The following SPTB variants were observed in gnomAD, a reference collection of about 807,000 sequenced individuals.
The protein encoded by SPTB is spectrin beta chain, erythrocytic.
Under a neutral mutation model 256.2 loss-of-function variants are expected in SPTB, and 45 were observed. The ratio of observed to expected loss-of-function variants is 0.18; its 90% CI spans 0.14 to 0.23. The LOEUF (loss-of-function observed/expected upper bound fraction) is 0.23. Ranked by LOEUF, SPTB falls within the 10% of genes least tolerant of loss-of-function variation. The pLI is 1.00. For synonymous variants in SPTB, 1,231 were observed against 1,243.1 expected, an observed-to-expected ratio of 0.99 and a Z score of 0.21; for missense variants, 2,715 against 3,040.4, an observed-to-expected ratio of 0.89 and a Z score of 2.52.
chr14:64,797,898 T>TG (rs756051001), intron 9 of SPTB, 52 bp from the exon 10 acceptor site: 2 of 1,419,428 alleles, frequency 1.4e-6, no homozygotes, highest in African/African-American at 2.8e-5. Flanking sequence ...CATGGCCAAA[T>TG]TTTTTTGCTA....
At chr14:64,835,910 T>C (rs1453318595) in intron 1 of SPTB, among the ~76,000 whole-genome samples, 1 of 152,234 alleles carries the variant, frequency 6.6e-6, no homozygotes, top group African/African-American at 2.4e-5. Context: ...TGTTCTTCTA[T>C]AGTTCACTTA....
intron 32 of SPTB, among the ~76,000 whole-genome samples, chr14:64,765,273 C>T (rs942850254): frequency 2.0e-5 from 3 of 152,110 alleles, no homozygotes; most frequent in African/African-American, 7.2e-5. Context: ...CTGTGGCTCC[C>T]TTGGCCCCCA....
chr14:64,870,772 C>T (rs902784171), intron 1 of SPTB, among the ~76,000 whole-genome samples: 2 of 152,216 alleles, frequency 1.3e-5, no homozygotes, highest in East Asian at 3.8e-4. Context: ...CCAGCAATTT[C>T]ACATCTAGGT....
intron 10 of SPTB, 40 bp downstream of exon 10, chr14:64,797,689 T>C (rs1566768871): frequency 1.4e-6 from 2 of 1,447,948 alleles, no homozygotes; most frequent in Middle Eastern, 1.7e-4. Context: ...GGGAATTCAA[T>C]CAATCTACTG....
At chr14:64,780,926 C>G (rs1010633496) in intron 20 of SPTB, among the ~76,000 whole-genome samples, 3 of 152,170 alleles carry the variant, frequency 2.0e-5, no homozygotes, top group Admixed American at 6.5e-5. Flanking sequence ...GGCCACACAC[C>G]TACCACCATC....
chr14:64,829,107 G>A (rs2083413315), intron 1 of SPTB, among the ~76,000 whole-genome samples: 1 of 152,120 alleles, frequency 6.6e-6, no homozygotes, highest in Non-Finnish European at 1.5e-5. Context: ...CTGACATGGT[G>A]CAACATGAAG....
chr14:64,801,036 A>G (rs1566771908), intron 7 of SPTB, among the ~76,000 whole-genome samples, 168 bp from the exon 8 acceptor site: 1 of 152,246 alleles, frequency 6.6e-6, no homozygotes, highest in Non-Finnish European at 1.5e-5. Flanking sequence ...AGAACCACAC[A>G]TTACAAAAGA....
chr14:64,832,818 C>T (rs138657354), intron 1 of SPTB, among the ~76,000 whole-genome samples: 20 of 152,306 alleles, frequency 1.3e-4, no homozygotes, highest in Non-Finnish European at 1.9e-4. Flanking sequence ...TCTCTATCTC[C>T]ACCGCTCCCC....
chr14:64,757,317 T>C (rs2082028535), intron 32 of SPTB: 1 of 152,228 alleles, frequency 6.6e-6, no homozygotes, highest in South Asian at 2.1e-4. Context: ...AACTGTCCTC[T>C]GAAAATAGAG....
In SPTB at chr14:64,758,329, G is replaced by C. The variant is rs1163183005; in HGVS notation, c.6346-4536C>G. On this transcript the variant is annotated intron_variant, in intron 32 of 35. Transcript: ENST00000644917. The surrounding 1 kb of genome is among the most constrained non-coding windows in gnomAD (Gnocchi z 4.6). ...GCCTCAGCCCCTCCTTTCTCGGCCA[G>C]TTTCAGTTGGAACATTCTGAGGCTT... is the stretch of plus-strand genomic sequence containing the variant. Among the ~76,000 whole-genome samples the C allele has an allele frequency of 6.6e-6, 1 of 152,260 alleles. No homozygotes were observed.
chr14:64,859,613 G>A (rs367668434), intron 1 of SPTB, among the ~76,000 whole-genome samples: 1 of 152,082 alleles, frequency 6.6e-6, no homozygotes, highest in Admixed American at 6.5e-5. Flanking sequence ...CTGTGGTAGT[G>A]CATACCTGTG....
In SPTB at chr14:64,785,035, C is replaced by T. The variant is rs192855529; in HGVS notation, c.3855+502G>A. On this transcript the variant is annotated intron_variant, in intron 18 of 35. Coordinates refer to ENST00000644917, the MANE Select transcript of SPTB (RefSeq NM_001355436.2). The surrounding 1 kb of genome is among the most constrained non-coding windows in gnomAD (Gnocchi z 4.4). ...AAAATGTTCTTTCTCTGTCTCACCC[C>T]GTAAAGTTCTGATTCATCTGGCCTG... Among the ~76,000 whole-genome samples, 4 of 152,282 alleles carry T rather than the reference C, an allele frequency of 2.6e-5. No individual in the cohort carries two copies. Among genetic ancestry groups the T allele is most frequent in the Non-Finnish European group, 5.9e-5 (4 of 68,018 alleles).
intron 1 of SPTB, among the ~76,000 whole-genome samples, chr14:64,830,858 C>T (rs184981823): frequency 5.0e-4 from 76 of 152,312 alleles, no homozygotes; most frequent in African/African-American, 1.7e-3. Flanking sequence ...GCCCCTGTCC[C>T]CACCATGGTG....
chr14:64,850,429 C>T (rs2083765262), intron 1 of SPTB, among the ~76,000 whole-genome samples: 1 of 152,154 alleles, frequency 6.6e-6, no homozygotes, highest in South Asian at 2.1e-4. Context: ...TTTCAAAAAG[C>T]CCACGTTTTC....
At chr14:64,849,272 G>A (rs576516173) in intron 1 of SPTB, among the ~76,000 whole-genome samples, 1 of 152,294 alleles carries the variant, frequency 6.6e-6, no homozygotes, top group Admixed American at 6.5e-5. Flanking sequence ...CCACGGACCT[G>A]AAAATGAGAT....
At chr14:64,770,419 G>A (rs1019353813) in intron 27 of SPTB, among the ~76,000 whole-genome samples, 1 of 152,138 alleles carries the variant, frequency 6.6e-6, no homozygotes, top group African/African-American at 2.4e-5. Context: ...ACACAGACTG[G>A]GCAGAGTGGT....
intron 18 of SPTB, among the ~76,000 whole-genome samples, chr14:64,784,971 C>T (rs540504712): frequency 6.6e-6 from 1 of 152,272 alleles, no homozygotes; most frequent in African/African-American, 2.4e-5. Flanking sequence ...TGAGCAAGGA[C>T]CTTCTGAGCT....
Position 64,827,053 on chromosome 14 carries a change from T to C in SPTB, c.-51-3908A>G, listed in dbSNP as rs2083386805. On this transcript the variant is annotated intron_variant, in intron 1 of 35. Coordinates refer to ENST00000644917, the MANE Select transcript of SPTB (RefSeq NM_001355436.2). The surrounding 1 kb of genome is among the most constrained non-coding windows in gnomAD (Gnocchi z 4.6). The stretch of plus-strand genomic sequence containing the variant: ...CTAGGCTCAGAGCCTCAACCTCATG[T>C]GCTATGTCCAGTTACTCCCTGGGTT... Among the ~76,000 whole-genome samples the C allele has an allele frequency of 6.6e-6, 1 of 152,198 alleles. No individual in the cohort carries two copies. Among genetic ancestry groups the C allele is most frequent in the Non-Finnish European group, 1.5e-5 (1 of 68,032 alleles).
chr14:64,790,761 T>C lies in SPTB; in HGVS notation c.2804+958A>G, dbSNP rs114279369. On this transcript the variant is annotated intron_variant, in intron 15 of 35. Transcript: ENST00000644917. The surrounding 1 kb of genome is among the most constrained non-coding windows in gnomAD (Gnocchi z 4.8). ...TGGGGAGGTGGTGAACATGTGGCATTGCATGTGCAGGGCCCACGGTAAAGA... is the reference window on the plus strand; with the variant it reads ...TGGGGAGGTGGTGAACATGTGGCATCGCATGTGCAGGGCCCACGGTAAAGA... 1.8e-3 allele frequency among the ~76,000 whole-genome samples: 279 copies of C among 152,302 alleles called. 1 individual carries two copies. The highest frequency in any genetic ancestry group is 6.4e-3 in the African/African-American group (265 of 41,550).
Sources: allele counts gnomAD v4.1 joint callset (sites outside exome capture counted in the v4.1 genomes callset), GRCh38; gene constraint gnomAD v4.1.1; non-coding constraint Gnocchi (gnomAD v3.1); transcripts MANE v1.5; gene names NCBI Gene and HGNC (gene_info 2026-07-23, HGNC 2026-07-21).